The following PTPRD variants were observed in gnomAD, a reference collection of about 807,000 sequenced individuals.
PTPRD encodes the protein protein tyrosine phosphatase receptor type D.
PTPRD carries 34 observed loss-of-function variants against 214.5 expected under a neutral mutation model. The observed-to-expected ratio is 0.16, with a 90% CI of 0.12 to 0.21. The LOEUF (loss-of-function observed/expected upper bound fraction) is 0.21. Among genes scored for constraint, PTPRD ranks in the 10% least tolerant of loss-of-function variants. The probability of loss-of-function intolerance (pLI) is 1.00; values close to 1 mark genes in which losing one functional copy is unlikely to be tolerated. For missense variants in PTPRD, 2,545 were observed against 2,398.7 expected (o/e 1.06, Z -1.27); for synonymous variants, 1,128 against 845.7 (o/e 1.33, Z -5.79).
chr9:10,052,904 T>G (rs906206647), intron 3 of PTPRD, among the ~76,000 whole-genome samples: 11 of 152,162 alleles, frequency 7.2e-5, no homozygotes, highest in African/African-American at 2.4e-4. Context: ...GTTACTACAT[T>G]AAATATCAGG....
intron 11 of PTPRD, among the ~76,000 whole-genome samples, chr9:8,868,865 A>G (rs1158600538): frequency 6.6e-6 from 1 of 152,152 alleles, no homozygotes; most frequent in East Asian, 1.9e-4. Flanking sequence ...AGGTATGTGA[A>G]CTATGCACTA....
chr9:8,582,179 A>G, intron 14 of PTPRD, among the ~76,000 whole-genome samples: 1 of 152,164 alleles, frequency 6.6e-6, no homozygotes, highest in African/African-American at 2.4e-5. Flanking sequence ...CAGGAGAGAA[A>G]GGTTGGGACT....
At chr9:8,702,826 C>G (rs1378943511) in intron 12 of PTPRD, among the ~76,000 whole-genome samples, 7 of 152,230 alleles carry the variant, frequency 4.6e-5, no homozygotes, top group Non-Finnish European at 8.8e-5. Flanking sequence ...CCAGGCCAGT[C>G]TCAAACTCCT....
chr9:10,231,362 G>A (rs558108085), intron 3 of PTPRD, among the ~76,000 whole-genome samples: 66 of 151,952 alleles, frequency 4.3e-4, no homozygotes, highest in Non-Finnish European at 6.3e-4. Context: ...GGGTTTGCAG[G>A]AAGGGATAAT....
intron 2 of PTPRD, among the ~76,000 whole-genome samples, chr9:10,522,363 T>G (rs1409702398): frequency 6.6e-6 from 1 of 152,186 alleles, no homozygotes; most frequent in African/African-American, 2.4e-5. Flanking sequence ...TGCTTATATA[T>G]GATAATTCAG....
At chr9:10,497,156 G>A (rs2042306543) in intron 2 of PTPRD, among the ~76,000 whole-genome samples, 2 of 151,860 alleles carry the variant, frequency 1.3e-5, no homozygotes, top group South Asian at 4.1e-4. Context: ...AGAGGGTGGA[G>A]GGAGGAATGG....
chr9:9,934,724 T>C (rs533441234), intron 5 of PTPRD, among the ~76,000 whole-genome samples: 1 of 151,740 alleles, frequency 6.6e-6, no homozygotes, highest in Non-Finnish European at 1.5e-5. Flanking sequence ...TAACTCATTT[T>C]ATGAGGCCAG....
chr9:10,474,411 A>G (rs939213707), intron 2 of PTPRD, among the ~76,000 whole-genome samples: 2 of 152,108 alleles, frequency 1.3e-5, no homozygotes, highest in Non-Finnish European at 2.9e-5. Flanking sequence ...ACATAATGGT[A>G]AAGGGATCAA....
At chr9:9,271,331 G>T (rs1374468953) in intron 9 of PTPRD, among the ~76,000 whole-genome samples, 2 of 148,768 alleles carry the variant, frequency 1.3e-5, no homozygotes, top group Non-Finnish European at 1.5e-5. Flanking sequence ...TCTGAACATG[G>T]TATAATTTGG....
intron 10 of PTPRD, among the ~76,000 whole-genome samples, chr9:9,025,628 C>A (rs117340704): frequency 2.0e-3 from 310 of 151,994 alleles, no homozygotes; most frequent in South Asian, 6.7e-3. Flanking sequence ...GCTTTATAAT[C>A]TGTTCACTAT....
chr9:8,948,471 A>T (rs1219981068), intron 11 of PTPRD, among the ~76,000 whole-genome samples: 2,100 of 16,718 alleles, frequency 0.13, 575 homozygotes, highest in Middle Eastern at 0.23. Flanking sequence ...ATATTTACAT[A>T]TATATATATT....
chr9:8,850,002 G>C (rs1380614453), intron 11 of PTPRD, among the ~76,000 whole-genome samples: 1 of 152,150 alleles, frequency 6.6e-6, no homozygotes, highest in Non-Finnish European at 1.5e-5. Flanking sequence ...TACAGGAGGA[G>C]AATCTACAAA....
At chr9:9,044,123 G>GT (rs1446316483) in intron 10 of PTPRD, among the ~76,000 whole-genome samples, 1 of 152,042 alleles carries the variant, frequency 6.6e-6, no homozygotes, top group Non-Finnish European at 1.5e-5. Context: ...GTTGGAAAAA[G>GT]TTATTTTTAT....
intron 11 of PTPRD, among the ~76,000 whole-genome samples, chr9:8,951,970 C>A (rs1185444503): frequency 1.3e-5 from 2 of 151,926 alleles, no homozygotes; most frequent in African/African-American, 4.8e-5. Context: ...TCGGTCTCTG[C>A]TCAATTGATT....
intron 11 of PTPRD, among the ~76,000 whole-genome samples, chr9:8,966,090 T>C (rs906489620): frequency 9.2e-5 from 14 of 151,876 alleles, no homozygotes; most frequent in African/African-American, 3.4e-4. Flanking sequence ...GGAGGTGAAA[T>C]TGAAGAACTT....
chr9:9,532,670 C>T (rs1002880150), intron 8 of PTPRD, among the ~76,000 whole-genome samples: 1 of 152,124 alleles, frequency 6.6e-6, no homozygotes, highest in African/African-American at 2.4e-5. Context: ...TGATTCAGAT[C>T]ATTTTGCAGG....
chr9:8,844,775 C>T (rs1434492786), intron 11 of PTPRD, among the ~76,000 whole-genome samples: 6 of 152,142 alleles, frequency 3.9e-5, no homozygotes, highest in Non-Finnish European at 8.8e-5. Context: ...GCTCAATTAA[C>T]TGTGGAGCAA....
intron 11 of PTPRD, among the ~76,000 whole-genome samples, chr9:8,862,614 A>G (rs1017953485): frequency 3.3e-5 from 5 of 152,204 alleles, no homozygotes; most frequent in African/African-American, 7.2e-5. Flanking sequence ...GTGGGCTTCC[A>G]GTAGAAAAGG....
At chr9:8,757,631 TATATATATATACATACATATATAC>T (rs1009275498) in intron 11 of PTPRD, among the ~76,000 whole-genome samples, 13 of 146,530 alleles carry the variant, frequency 8.9e-5, no homozygotes, top group African/African-American at 2.8e-4. Context: ...CATATATATA[TATATATATATACATACATATATAC>T]ATATATATAT....
Sources: gnomAD v4.1 joint callset for allele counts (sites outside exome capture counted in the v4.1 genomes callset) on GRCh38, gnomAD v4.1.1 for gene constraint, MANE v1.5 for transcripts, NCBI Gene and HGNC (gene_info 2026-07-23, HGNC 2026-07-21) for gene names.